The following CNTN4 variants were observed in gnomAD, a reference collection of about 807,000 sequenced individuals.
CNTN4 encodes contactin-4.
Under a neutral mutation model 122.5 loss-of-function variants are expected in CNTN4, and 77 were observed. The ratio of observed to expected loss-of-function variants is 0.63; its 90% CI spans 0.52 to 0.76. The LOEUF is 0.76. CNTN4 is among the 30% of genes least tolerant of loss of function. The pLI is 0.00. For synonymous variants in CNTN4, 512 were observed against 447.0 expected (o/e 1.15, Z -1.83); for missense variants, 1,256 against 1,259.1 (o/e 1.00, Z 0.04).
chr3:2,312,606 C>A (rs991473538), intron 2 of CNTN4, among the ~76,000 whole-genome samples: 6 of 151,978 alleles, frequency 3.9e-5, no homozygotes, highest in Non-Finnish European at 7.4e-5. Context: ...CATTGTGACA[C>A]AGATGGTTTG....
At chr3:2,347,535 T>G (rs2728516) in intron 3 of CNTN4, among the ~76,000 whole-genome samples, 84,428 of 150,330 alleles carry the variant, frequency 0.56, 23,988 homozygotes, top group Non-Finnish European at 0.6. Context: ...TCAGCCTCCC[T>G]AGTAACTGGG....
intron 12 of CNTN4, among the ~76,000 whole-genome samples, chr3:2,919,163 G>T (rs1417524014): frequency 6.8e-6 from 1 of 147,180 alleles, no homozygotes; most frequent in African/African-American, 2.5e-5. Flanking sequence ...GGCCAAGATG[G>T]TGAAACCCCA....
rs1020407439 is a variant in CNTN4 at position 2,666,412 on chromosome 3, A to G, written c.56-69803A>G. Among the ~76,000 whole-genome samples the G allele has an allele frequency of 8.5e-5, 13 of 152,228 alleles. No individual in the cohort carries two copies. In the East Asian group the frequency reaches 2.3e-3, roughly 27 times the overall value. On this transcript the variant is annotated intron_variant, in intron 4 of 24. Transcript: ENST00000418658. ...GTATTAAGAAAATAGACATTGAAAA[A>G]AACTGTTTCAGGGAAAAAACATTTT... is the stretch of plus-strand genomic sequence containing the variant.
intron 3 of CNTN4, among the ~76,000 whole-genome samples, chr3:2,355,240 G>T (rs2044818746): frequency 6.6e-6 from 1 of 152,160 alleles, no homozygotes; most frequent in South Asian, 2.1e-4. Context: ...GAATAGTAAA[G>T]AACTAGAGAT....
intron 2 of CNTN4, among the ~76,000 whole-genome samples, chr3:2,247,824 G>A (rs2040213762): frequency 6.6e-6 from 1 of 151,926 alleles, no homozygotes; most frequent in African/African-American, 2.4e-5. Flanking sequence ...TAATAATAGT[G>A]TCTTACTAAA....
chr3:2,745,968 T>G lies in CNTN4; in HGVS notation c.358+271T>G, dbSNP rs1478583966. Among the ~76,000 whole-genome samples the G allele has an allele frequency of 9.2e-5, 14 of 152,064 alleles. 1 individual carries two copies. In the East Asian group the frequency reaches 2.7e-3, roughly 29 times the overall value. The stretch of plus-strand genomic sequence containing the variant: ...ATGCTTTCTTTATATACAAATAAAT[T>G]CACACACTGAGATTGACACATGTAT... On this transcript the variant is annotated intron_variant, in intron 6 of 24. Transcript: ENST00000418658.
chr3:2,821,728 A>G (rs894689944), intron 7 of CNTN4, among the ~76,000 whole-genome samples: 1 of 152,220 alleles, frequency 6.6e-6, no homozygotes, highest in South Asian at 2.1e-4. Context: ...TTTAATAAGT[A>G]GTAATATTTA....
intron 2 of CNTN4, among the ~76,000 whole-genome samples, chr3:2,170,183 T>C (rs193011338): frequency 0.038 from 5,364 of 139,600 alleles, 181 homozygotes; most frequent in African/African-American, 0.1. Flanking sequence ...TAGCCGGGCG[T>C]GGTGGCGGCG....
chr3:2,165,705 C>T (rs866805200), intron 2 of CNTN4, among the ~76,000 whole-genome samples: 4 of 151,978 alleles, frequency 2.6e-5, no homozygotes, highest in South Asian at 4.2e-4. Context: ...CCACACCTGC[C>T]CCCTGGTAAC....
At chr3:2,951,626 T>G (rs2094746427) in intron 13 of CNTN4, among the ~76,000 whole-genome samples, 3 of 152,204 alleles carry the variant, frequency 2.0e-5, no homozygotes, top group Admixed American at 2.0e-4. Flanking sequence ...TCTCCATGAC[T>G]CCAAGAAGTG....
chr3:2,241,613 A>G (rs1272163629), intron 2 of CNTN4, among the ~76,000 whole-genome samples: 3 of 152,148 alleles, frequency 2.0e-5, no homozygotes, highest in Admixed American at 2.0e-4. Flanking sequence ...TCTTTACTCA[A>G]GGTCACTACC....
intron 3 of CNTN4, among the ~76,000 whole-genome samples, chr3:2,560,603 C>T (rs1159732331): frequency 6.6e-6 from 1 of 152,150 alleles, no homozygotes; most frequent in Non-Finnish European, 1.5e-5. Context: ...GTTTTATGGA[C>T]ACAAAACTGG....
At chr3:2,508,587 GTTC>G (rs2076798456) in intron 3 of CNTN4, among the ~76,000 whole-genome samples, 1 of 152,056 alleles carries the variant, frequency 6.6e-6, no homozygotes, top group Non-Finnish European at 1.5e-5. Context: ...CATCCCCCAG[GTTC>G]TTATTAGCCT....
intron 2 of CNTN4, among the ~76,000 whole-genome samples, chr3:2,222,352 G>C (rs1199431812): frequency 6.6e-6 from 1 of 152,102 alleles, no homozygotes; most frequent in Non-Finnish European, 1.5e-5. Context: ...CAAATCCATA[G>C]AGACAGAAAC....
chr3:2,684,247 A>T (rs1372562357), intron 4 of CNTN4, among the ~76,000 whole-genome samples: 1 of 152,138 alleles, frequency 6.6e-6, no homozygotes, highest in African/African-American at 2.4e-5. Flanking sequence ...TCAAGGGGAG[A>T]GTAAGATGAA....
chr3:2,416,233 A>G (rs545645571), intron 3 of CNTN4, among the ~76,000 whole-genome samples: 4 of 152,278 alleles, frequency 2.6e-5, no homozygotes, highest in Admixed American at 6.5e-5. Context: ...TGCATCCTCC[A>G]TAAAAGAATA....
At chr3:2,235,376 A>T (rs1017019239) in intron 2 of CNTN4, among the ~76,000 whole-genome samples, 43 of 152,332 alleles carry the variant, frequency 2.8e-4, no homozygotes, top group African/African-American at 1.0e-3. Context: ...TCTATCCAGG[A>T]AAGGAATATC....
intron 15 of CNTN4, 53 bp from the exon 16 acceptor site, chr3:3,030,802 A>G (rs1699097676): frequency 6.3e-7 from 1 of 1,593,580 alleles, no homozygotes; most frequent in Admixed American, 1.7e-5. Context: ...TGTGATAATG[A>G]TATTTAGAGC....
chr3:2,667,304 CT>C (rs1263860292), intron 4 of CNTN4, among the ~76,000 whole-genome samples: 1 of 152,128 alleles, frequency 6.6e-6, no homozygotes. Context: ...GAGATGGTAT[CT>C]CATTGTGGTT....
Sources: gnomAD v4.1 joint callset for allele counts (sites outside exome capture counted in the v4.1 genomes callset) on GRCh38, gnomAD v4.1.1 for gene constraint, MANE v1.5 for transcripts, NCBI Gene and HGNC (gene_info 2026-07-23, HGNC 2026-07-21) for gene names.